The following PTPRG variants were observed in gnomAD, a reference collection of about 807,000 sequenced individuals.
PTPRG encodes protein tyrosine phosphatase receptor type G.
Under a neutral mutation model 165.3 loss-of-function variants are expected in PTPRG, and 102 were observed. That is an observed-to-expected ratio of 0.62 (90% CI 0.53 to 0.73). PTPRG has a LOEUF of 0.73. Among genes scored for constraint, PTPRG ranks in the 30% least tolerant of loss-of-function variants. The pLI, the probability that PTPRG is intolerant of heterozygous loss-of-function variation, is 0.00. For synonymous variants in PTPRG, 675 were observed against 669.5 expected (o/e 1.01, Z -0.13); for missense variants, 1,866 against 1,861.4 (o/e 1.00, Z -0.05).
rs1378788458 is a variant in PTPRG at position 62,252,975 on chromosome 3, T to G, written c.2468-2149T>G. Among the ~76,000 whole-genome samples, 1 of 152,206 alleles carries G rather than the reference T, an allele frequency of 6.6e-6. No homozygotes were observed. Among genetic ancestry groups the G allele is most frequent in the African/African-American group, 2.4e-5 (1 of 41,460 alleles). On this transcript the variant is annotated intron_variant, in intron 15 of 29. Transcript: ENST00000474889. This position sits in a 1 kb window ranked among gnomAD's most constrained non-coding sequence, Gnocchi z 4.6. ...GAGACTAGTGAGTCATATATTTCCA[T>G]GATTATCACACTGAACTCTGCTGGA...
intron 26 of PTPRG, 58 bp downstream of exon 26, chr3:62,277,737 A>G (rs564502776): frequency 1.3e-6 from 2 of 1,593,988 alleles, no homozygotes; most frequent in East Asian, 4.5e-5. Flanking sequence ...AGCATAAATT[A>G]CTTTGATACT....
At chr3:61,675,373 C>A (rs1200050489) in intron 1 of PTPRG, among the ~76,000 whole-genome samples, 2 of 152,076 alleles carry the variant, frequency 1.3e-5, no homozygotes, top group Non-Finnish European at 1.5e-5. Context: ...GAGGTTGTTT[C>A]ATTTATGATA....
intron 2 of PTPRG, among the ~76,000 whole-genome samples, chr3:61,883,590 G>A (rs1534809): frequency 0.82 from 125,458 of 152,190 alleles, 52,378 homozygotes; most frequent in African/African-American, 0.94. Context: ...AAAAAATAGT[G>A]TCTGTGTGTT....
chr3:61,767,845 C>G (rs2034079661), intron 2 of PTPRG, among the ~76,000 whole-genome samples: 1 of 151,864 alleles, frequency 6.6e-6, no homozygotes, highest in Admixed American at 6.6e-5. Flanking sequence ...TGGCACACGC[C>G]TGTAGTTCCA....
intron 5 of PTPRG, among the ~76,000 whole-genome samples, chr3:62,085,942 C>T (rs1372362841): frequency 6.6e-6 from 1 of 152,144 alleles, no homozygotes; most frequent in African/African-American, 2.4e-5. Flanking sequence ...TCAAAAGTAG[C>T]TTCATTTTAT....
At chr3:61,735,202 C>A (rs180997887) in intron 1 of PTPRG, among the ~76,000 whole-genome samples, 1 of 152,184 alleles carries the variant, frequency 6.6e-6, no homozygotes, top group South Asian at 2.1e-4. Context: ...TGTGCTCTAG[C>A]GAAAATTTTT....
At chr3:61,849,837 A>T (rs12630968) in intron 2 of PTPRG, among the ~76,000 whole-genome samples, 19,961 of 150,820 alleles carry the variant, frequency 0.13, 1,809 homozygotes, top group East Asian at 0.48. Flanking sequence ...AACTGCTGAA[A>T]CTCCTTTTAT....
At chr3:61,718,623 C>T (rs9856705) in intron 1 of PTPRG, among the ~76,000 whole-genome samples, 11,077 of 152,244 alleles carry the variant, frequency 0.073, 667 homozygotes, top group African/African-American at 0.16. Flanking sequence ...AAAACCGTAT[C>T]TCCAAAAGCA....
intron 1 of PTPRG, among the ~76,000 whole-genome samples, chr3:61,713,586 A>C (rs1209138517): frequency 6.6e-6 from 1 of 152,152 alleles, no homozygotes; most frequent in Non-Finnish European, 1.5e-5. Context: ...CATGGACCTT[A>C]AATTCAGGTT....
At chr3:62,008,338 C>A (rs777039370) in intron 4 of PTPRG, among the ~76,000 whole-genome samples, 27 of 152,132 alleles carry the variant, frequency 1.8e-4, no homozygotes, top group Non-Finnish European at 2.1e-4. Flanking sequence ...TAAAAGATCA[C>A]GGGAGTTGTT....
intron 2 of PTPRG, among the ~76,000 whole-genome samples, chr3:61,928,781 A>T (rs958678218): frequency 2.6e-5 from 4 of 152,166 alleles, no homozygotes; most frequent in African/African-American, 9.7e-5. Flanking sequence ...CAGGGTTGAT[A>T]TATATTTATA....
intron 2 of PTPRG, among the ~76,000 whole-genome samples, chr3:61,786,484 C>G (rs927105223): frequency 2.0e-5 from 3 of 151,962 alleles, no homozygotes; most frequent in Non-Finnish European, 4.4e-5. Context: ...AGGGCCTTAA[C>G]AAAAATTTTT....
At chr3:61,738,956 G>A (rs1297329359) in intron 1 of PTPRG, among the ~76,000 whole-genome samples, 2 of 137,440 alleles carry the variant, frequency 1.5e-5, no homozygotes, top group Admixed American at 1.5e-4. Context: ...GTAGAGATGG[G>A]GTCTTGCTCT....
chr3:61,577,158 C>T (rs1396150159), intron 1 of PTPRG, among the ~76,000 whole-genome samples: 2 of 152,070 alleles, frequency 1.3e-5, no homozygotes, highest in Non-Finnish European at 2.9e-5. Flanking sequence ...TTTGAGTGGT[C>T]CTCTGATCAG....
At chr3:61,677,450 A>G (rs374127466) in intron 1 of PTPRG, among the ~76,000 whole-genome samples, 8 of 152,212 alleles carry the variant, frequency 5.3e-5, no homozygotes, top group Admixed American at 1.3e-4. Context: ...TTAAAGTTGC[A>G]CAGCTAGATA....
intron 2 of PTPRG, among the ~76,000 whole-genome samples, chr3:61,954,662 G>C (rs536675557): frequency 1.4e-3 from 207 of 152,240 alleles, no homozygotes; most frequent in African/African-American, 4.4e-3. Flanking sequence ...GTGAAGATTT[G>C]TCAGACACTG....
chr3:61,822,273 G>T (rs1041852220), intron 2 of PTPRG, among the ~76,000 whole-genome samples: 1 of 152,182 alleles, frequency 6.6e-6, no homozygotes, highest in Non-Finnish European at 1.5e-5. Context: ...GTGAGTAGCC[G>T]TTGGGTTTCA....
intron 1 of PTPRG, among the ~76,000 whole-genome samples, chr3:61,742,163 A>G (rs1211840876): frequency 6.6e-6 from 1 of 152,196 alleles, no homozygotes; most frequent in Non-Finnish European, 1.5e-5. Flanking sequence ...CCGGAAGTCA[A>G]TATTTCTGTG....
intron 5 of PTPRG, among the ~76,000 whole-genome samples, chr3:62,122,569 C>G (rs1703116649): frequency 6.6e-6 from 1 of 152,236 alleles, no homozygotes. Flanking sequence ...GCATAACACT[C>G]TGTGACTTGT....
Sources: gnomAD v4.1 joint callset for allele counts (sites outside exome capture counted in the v4.1 genomes callset) on GRCh38, gnomAD v4.1.1 for gene constraint, Gnocchi (gnomAD v3.1) non-coding constraint, MANE v1.5 for transcripts, NCBI Gene and HGNC (gene_info 2026-07-23, HGNC 2026-07-21) for gene names.